PPP1R12B: variants seen among roughly 807,000 people sequenced by gnomAD.
The protein encoded by PPP1R12B is myosin phosphatase target subunit 2.
PPP1R12B carries 76 observed loss-of-function variants against 126.1 expected under a neutral mutation model. The ratio of observed to expected loss-of-function variants is 0.60; its 90% CI spans 0.50 to 0.73. The LOEUF (loss-of-function observed/expected upper bound fraction) is 0.73. Ranked by LOEUF, PPP1R12B falls within the 30% of genes least tolerant of loss-of-function variation. PPP1R12B has a pLI of 0.00. For synonymous variants in PPP1R12B, 356 were observed against 434.7 expected (o/e 0.82, Z 2.25); for missense variants, 1,052 against 1,205.1 (o/e 0.87, Z 1.88).
At chr1:202,436,553 A>G (rs1050931885) in intron 9 of PPP1R12B, among the ~76,000 whole-genome samples, 3 of 152,196 alleles carry the variant, frequency 2.0e-5, no homozygotes, top group African/African-American at 7.2e-5. Context: ...ATCTTCTTGA[A>G]AAGGTCCTGG....
chr1:202,363,979 C>T (rs960869904), intron 1 of PPP1R12B, among the ~76,000 whole-genome samples: 6 of 151,986 alleles, frequency 3.9e-5, no homozygotes, highest in South Asian at 2.1e-4. Flanking sequence ...AGGCTGGTCT[C>T]GAACTCCTGT....
chr1:202,436,425 A>G (rs1013139214), intron 9 of PPP1R12B, among the ~76,000 whole-genome samples: 1 of 152,094 alleles, frequency 6.6e-6, no homozygotes, highest in African/African-American at 2.4e-5. Flanking sequence ...GTGTACATTC[A>G]GATGACTGAT....
chr1:202,355,571 A>G (rs1656925207), intron 1 of PPP1R12B, among the ~76,000 whole-genome samples: 1 of 152,184 alleles, frequency 6.6e-6, no homozygotes. Context: ...TCAGGGTGAC[A>G]TCCTAGAGGG....
At chr1:202,578,924 C>T (rs181638591) in intron 23 of PPP1R12B, among the ~76,000 whole-genome samples, 3 of 152,306 alleles carry the variant, frequency 2.0e-5, no homozygotes, top group East Asian at 1.9e-4. Context: ...TTCCATCCCA[C>T]GTGTAATAAA....
rs191255579 is a variant in PPP1R12B at position 202,393,793 on chromosome 1, G to A, written c.292-22994G>A. ...AGTAGACCCAGGTCTGGGCATGATG[G>A]CTCACTCCTGTAATCCCAACACTTT... On this transcript the variant is annotated intron_variant, in intron 1 of 23. Coordinates refer to ENST00000608999, the MANE Select transcript of PPP1R12B (RefSeq NM_002481.4). 2.0e-3 allele frequency among the ~76,000 whole-genome samples: 306 copies of A among 152,242 alleles called. 1 individual carries two copies. Among genetic ancestry groups the A allele is most frequent in the African/African-American group, 7.0e-3 (290 of 41,540 alleles).
chr1:202,432,811 A>G (rs948363830), intron 8 of PPP1R12B, among the ~76,000 whole-genome samples: 12 of 152,240 alleles, frequency 7.9e-5, no homozygotes, highest in African/African-American at 2.9e-4. Context: ...CATTAAGTTT[A>G]CAATGGAGTC....
chr1:202,394,548 A>G (rs962668055), intron 1 of PPP1R12B, among the ~76,000 whole-genome samples: 1 of 152,084 alleles, frequency 6.6e-6, no homozygotes, highest in African/African-American at 2.4e-5. Flanking sequence ...TGAGGTTGGG[A>G]GTTCAAGACC....
At chr1:202,564,419 T>A in intron 20 of PPP1R12B, 24 bp from the exon 21 acceptor site, 3 of 1,555,474 alleles carry the variant, frequency 1.9e-6, no homozygotes, top group Non-Finnish European at 2.7e-6. Flanking sequence ...CGAACGCTGA[T>A]CCTCTTTTTT....
intron 18 of PPP1R12B, among the ~76,000 whole-genome samples, chr1:202,522,463 A>G (rs1682876383): frequency 6.6e-6 from 1 of 152,048 alleles, no homozygotes; most frequent in South Asian, 2.1e-4. Context: ...TAGAAATAGA[A>G]GGTACAAGTC....
rs186573827 is a variant in PPP1R12B, at chr1:202,531,640, G to A, written c.2491-27237G>A. On this transcript the variant is annotated intron_variant, in intron 18 of 23. Coordinates refer to ENST00000608999, the MANE Select transcript of PPP1R12B (RefSeq NM_002481.4). The stretch of plus-strand genomic sequence containing the variant: ...GCCCTGTTCCAAAAGGAGGAACAGA[G>A]ATCTTAAACTATACTTCTTAACTGG... Among the ~76,000 whole-genome samples the A allele has an allele frequency of 2.3e-3, 355 of 152,320 alleles. 3 individuals are homozygous for A. The highest frequency in any genetic ancestry group is 3.5e-3 in the Non-Finnish European group (238 of 68,028).
At chr1:202,559,019 C>A in intron 19 of PPP1R12B, 126 bp downstream of exon 19, 5 of 994,702 alleles carry the variant, frequency 5.0e-6, no homozygotes, top group East Asian at 2.8e-5. Flanking sequence ...TTCATTTCCA[C>A]AGCCACCACA....
At chr1:202,446,088 A>G (rs939572870) in intron 12 of PPP1R12B, among the ~76,000 whole-genome samples, 1 of 151,704 alleles carries the variant, frequency 6.6e-6, no homozygotes, top group Non-Finnish European at 1.5e-5. Flanking sequence ...TATTAATAAT[A>G]ATACTGTATA....
intron 1 of PPP1R12B, among the ~76,000 whole-genome samples, chr1:202,354,834 T>TA (rs1231437143): frequency 1.3e-5 from 2 of 148,832 alleles, no homozygotes; most frequent in Non-Finnish European, 3.0e-5. Context: ...TTGTTGTTGT[T>TA]TTTTTTTTTG....
rs1689678703 is a variant in PPP1R12B at position 202,583,902 on chromosome 1, C to T, written c.*3342C>T. On this transcript the variant is annotated 3_prime_UTR_variant, in exon 24 of 24. Coordinates refer to ENST00000608999, the MANE Select transcript of PPP1R12B (RefSeq NM_002481.4). ...GAAAGAGAATGTTCCTGGTAAAACT[C>T]TGTTTTCATTAATTTGTTATTTTTC... The T allele has an allele frequency of 6.6e-6, 1 of 152,084 alleles. No homozygotes were observed. 9.4% of individuals were successfully genotyped at this position (152,084 alleles called of 1,614,324 possible). A position where few individuals can be genotyped will look rare whatever the true frequency, so the allele number is the denominator to read the frequency against.
At chr1:202,420,554 CATTT>C in intron 2 of PPP1R12B, among the ~76,000 whole-genome samples, 1 of 152,220 alleles carries the variant, frequency 6.6e-6, no homozygotes, top group South Asian at 2.1e-4. Context: ...ATCCAGGAAA[CATTT>C]GTTGAGTGCT....
At chr1:202,559,920 A>G (rs747989457) in intron 19 of PPP1R12B, among the ~76,000 whole-genome samples, 1 of 152,200 alleles carries the variant, frequency 6.6e-6, no homozygotes, top group Non-Finnish European at 1.5e-5. Context: ...ACAGACTTCA[A>G]AATATGCTAT....
At chr1:202,510,732 C>T (rs1393147422) in intron 18 of PPP1R12B, among the ~76,000 whole-genome samples, 1 of 151,900 alleles carries the variant, frequency 6.6e-6, no homozygotes, top group Non-Finnish European at 1.5e-5. Context: ...ATGTCAGGCA[C>T]TATGCATTAG....
intron 9 of PPP1R12B, among the ~76,000 whole-genome samples, chr1:202,437,137 C>T (rs893098677): frequency 1.9e-4 from 29 of 152,096 alleles, no homozygotes; most frequent in African/African-American, 7.0e-4. Context: ...TGAGACCAGC[C>T]TGGGCAACAT....
At chr1:202,510,473 G>C (rs1297823671) in intron 18 of PPP1R12B, among the ~76,000 whole-genome samples, 3 of 152,138 alleles carry the variant, frequency 2.0e-5, no homozygotes, top group Non-Finnish European at 4.4e-5. Flanking sequence ...AGTGTTCCTA[G>C]AGGTATAATG....
Sources: gnomAD v4.1 joint callset for allele counts (sites outside exome capture counted in the v4.1 genomes callset) on GRCh38, gnomAD v4.1.1 for gene constraint, MANE v1.5 for transcripts, NCBI Gene and HGNC (gene_info 2026-07-23, HGNC 2026-07-21) for gene names.